Variants in THSD7A observed in about 807,000 individuals in gnomAD.
The protein encoded by THSD7A is thrombospondin type-1 domain-containing protein 7A.
Under a neutral mutation model 231.3 loss-of-function variants are expected in THSD7A, and 96 were observed. The observed-to-expected ratio is 0.41, with a 90% CI of 0.35 to 0.49. The LOEUF is 0.49. THSD7A is among the 20% of genes least tolerant of loss of function. THSD7A has a pLI of 0.05. For missense variants in THSD7A, 2,290 were observed against 2,070.2 expected, an observed-to-expected ratio of 1.11 and a Z score of -2.06; for synonymous variants, 940 against 743.3, an observed-to-expected ratio of 1.26 and a Z score of -4.30.
intron 2 of THSD7A, among the ~76,000 whole-genome samples, chr7:11,626,216 A>C (rs1781469114): frequency 1.3e-5 from 2 of 152,106 alleles, no homozygotes; most frequent in Non-Finnish European, 2.9e-5. Flanking sequence ...GTCTACCTCA[A>C]TTTTCCTAAG....
Position 11,401,794 on chromosome 7 carries a change from C to T in THSD7A, c.4411+1G>A. On this transcript the variant is annotated splice_donor_variant, in intron 23 of 27. Transcript: ENST00000423059. LOFTEE classifies it high-confidence loss of function. ...TAGAGTATATGAACGGTAGCACTCA[C>T]CATAACATGATTTTGTTTCTAACAT... is the stretch of plus-strand genomic sequence containing the variant. 6.2e-7 allele frequency: 1 copy of T among 1,611,894 alleles called. No individual in the cohort carries two copies. The highest frequency in any genetic ancestry group is 8.5e-7 in the Non-Finnish European group (1 of 1,178,996).
At chr7:11,661,666 G>C (rs1007925751) in intron 1 of THSD7A, among the ~76,000 whole-genome samples, 6 of 150,642 alleles carry the variant, frequency 4.0e-5, no homozygotes, top group African/African-American at 1.5e-4. Context: ...GAACATATAG[G>C]ACATGGTAAA....
At chr7:11,763,942 A>C (rs1782947063) in intron 1 of THSD7A, among the ~76,000 whole-genome samples, 1 of 152,188 alleles carries the variant, frequency 6.6e-6, no homozygotes, top group African/African-American at 2.4e-5. Context: ...ATAAGTAAGT[A>C]ATATTTTGTA....
rs1583823931 is a variant in THSD7A, at chr7:11,481,639, T to C, written c.2017+149A>G. The C allele has an allele frequency of 1.1e-5, 8 of 716,882 alleles. No individual in the cohort carries two copies. The South Asian group carries it at 2.0e-4, about 18-fold the overall frequency. The allele number at this position is 716,882 out of a possible 1,614,324, so 44.4% of individuals were successfully genotyped here. ...TTAATTTTGGGGGACAGAATCAAAT[T>C]GCTCAACACATCAACAGATATTAAA... is the stretch of plus-strand genomic sequence containing the variant. On this transcript the variant is annotated intron_variant, in intron 7 of 27. Coordinates refer to ENST00000423059, the MANE Select transcript of THSD7A (RefSeq NM_015204.3).
At chr7:11,707,636 C>T (rs1156337579) in intron 1 of THSD7A, among the ~76,000 whole-genome samples, 2 of 150,792 alleles carry the variant, frequency 1.3e-5, no homozygotes, top group Non-Finnish European at 3.0e-5. Context: ...GGAGAGAAAA[C>T]TTATTTTTAT....
intron 9 of THSD7A, among the ~76,000 whole-genome samples, chr7:11,469,248 C>CTT (rs1188785095): frequency 3.3e-5 from 5 of 152,096 alleles, no homozygotes; most frequent in African/African-American, 1.2e-4. Flanking sequence ...ATGTTGATAC[C>CTT]TTTCTCATCA....
At position 11,636,834 on chromosome 7, in the gene THSD7A, A is replaced by T; in HGVS notation, c.318T>A (p.Asn106Lys). Reference protein sequence around the residue: ...HTNCKQAERPNNQQNCFKVCD... With the variant: ...HTNCKQAERPKNQQNCFKVCD... The stretch of plus-strand genomic sequence containing the variant: ...AAACTTTGAAACAATTCTGCTGGTT[A>T]TTGGGTCTCTCGGCCTGCTTACAGT... Residue 106 changes from asparagine to lysine, a missense_variant, in exon 2 of 28, where the codon AAT becomes AAA. By Grantham distance (94) the Asn-to-Lys change is moderately conservative (BLOSUM62 0). Coordinates refer to ENST00000423059, the MANE Select transcript of THSD7A (RefSeq NM_015204.3). This position sits in a 1 kb window ranked among gnomAD's most constrained non-coding sequence, Gnocchi z 10.0. 2 of 1,613,838 alleles carry T rather than the reference A, an allele frequency of 1.2e-6. No individual in the cohort carries two copies. The highest frequency in any genetic ancestry group is 1.7e-6 in the Non-Finnish European group (2 of 1,179,866).
intron 1 of THSD7A, among the ~76,000 whole-genome samples, chr7:11,639,533 G>T (rs1252980646): frequency 2.0e-5 from 3 of 152,072 alleles, no homozygotes. Context: ...GCCAAGCGTG[G>T]TGGCGGGCGC....
intron 1 of THSD7A, among the ~76,000 whole-genome samples, chr7:11,704,954 T>G (rs1780717281): frequency 6.6e-6 from 1 of 151,088 alleles, no homozygotes; most frequent in Admixed American, 6.6e-5. Context: ...CTTCATCTAA[T>G]CCATGTTTAA....
intron 1 of THSD7A, among the ~76,000 whole-genome samples, chr7:11,767,888 G>C (rs1160062410): frequency 1.3e-5 from 2 of 152,066 alleles, no homozygotes; most frequent in Admixed American, 1.3e-4. Context: ...GAACATTCAA[G>C]GAATAAGGAC....
chr7:11,777,624 T>C (rs1023193060), intron 1 of THSD7A, among the ~76,000 whole-genome samples: 1 of 152,228 alleles, frequency 6.6e-6, no homozygotes, highest in African/African-American at 2.4e-5. Context: ...CTGTGACTTC[T>C]GAATTCCTAT....
chr7:11,545,524 T>A (rs1385515764), intron 4 of THSD7A, among the ~76,000 whole-genome samples: 1 of 152,040 alleles, frequency 6.6e-6, no homozygotes, highest in African/African-American at 2.4e-5. Context: ...AAGGATGGCA[T>A]TGAAGGTGGA....
At chr7:11,388,996 A>C (rs1011618792) in intron 23 of THSD7A, among the ~76,000 whole-genome samples, 3 of 152,078 alleles carry the variant, frequency 2.0e-5, no homozygotes, top group Admixed American at 2.0e-4. Flanking sequence ...GTTCTTTTGC[A>C]TTTGCTGAGG....
intron 1 of THSD7A, among the ~76,000 whole-genome samples, chr7:11,677,363 T>C (rs940011326): frequency 2.0e-5 from 3 of 151,820 alleles, no homozygotes; most frequent in Admixed American, 1.3e-4. Context: ...CATCAACTAA[T>C]GGGCAAACTA....
intron 1 of THSD7A, among the ~76,000 whole-genome samples, chr7:11,678,173 T>C (rs1327867993): frequency 6.6e-6 from 1 of 152,124 alleles, no homozygotes; most frequent in African/African-American, 2.4e-5. Context: ...CATACCAGAA[T>C]ATCTGGGACA....
intron 1 of THSD7A, among the ~76,000 whole-genome samples, chr7:11,784,183 T>A (rs1322894964): frequency 6.6e-6 from 1 of 151,890 alleles, no homozygotes; most frequent in Non-Finnish European, 1.5e-5. Flanking sequence ...TATATATGTA[T>A]GTTTATGCAT....
chr7:11,382,749 C>A lies in THSD7A; in HGVS notation c.4412-133G>T. On this transcript the variant is annotated intron_variant, in intron 23 of 27. Coordinates refer to ENST00000423059, the MANE Select transcript of THSD7A (RefSeq NM_015204.3). ...GATGATTCAAATGTCAATTTATTGT[C>A]CTGAAGTTGCCATGCATATGTTTAA... 1.5e-5 allele frequency: 11 copies of A among 741,842 alleles called. 1 individual carries two copies. The highest frequency in any genetic ancestry group is 2.4e-4 in the Middle Eastern group (1 of 4,108). 46.0% of individuals were successfully genotyped at this position (741,842 alleles called of 1,614,324 possible). A position where few individuals can be genotyped will look rare whatever the true frequency, so the allele number is the denominator to read the frequency against.
chr7:11,385,592 G>C (rs1371434293), intron 23 of THSD7A: 1 of 150,670 alleles, frequency 6.6e-6, no homozygotes, highest in African/African-American at 2.4e-5. Context: ...TTAATATTTG[G>C]TTATCTTTGT....
In THSD7A at chr7:11,590,702, C is replaced by T; in HGVS notation, c.1272-61G>A. ...TTATTGAATGACGTGTTTCTCTACT[C>T]CTGTCATACTTTGTTTTAACGAAAA... On this transcript the variant is annotated intron_variant, in intron 3 of 27. Coordinates refer to ENST00000423059, the MANE Select transcript of THSD7A (RefSeq NM_015204.3). This position sits in a 1 kb window ranked among gnomAD's most constrained non-coding sequence, Gnocchi z 4.4. 1 of 1,504,306 alleles carries T rather than the reference C, an allele frequency of 6.6e-7. No homozygotes were observed. Among genetic ancestry groups the T allele is most frequent in the Non-Finnish European group, 8.9e-7 (1 of 1,123,954 alleles). The allele number at this position is 1,504,306 out of a possible 1,614,324, so 93.2% of individuals were successfully genotyped here.
Sources: allele counts gnomAD v4.1 joint callset (sites outside exome capture counted in the v4.1 genomes callset), GRCh38; gene constraint gnomAD v4.1.1; non-coding constraint Gnocchi (gnomAD v3.1); transcripts MANE v1.5; gene names NCBI Gene and HGNC (gene_info 2026-07-23, HGNC 2026-07-21).